TLN2: variants seen among roughly 807,000 people sequenced by gnomAD.
TLN2 encodes the protein talin 2, also known as talin-2.
TLN2 carries 118 observed loss-of-function variants against 294.7 expected under a neutral mutation model. That is an observed-to-expected ratio of 0.40 (90% CI 0.34 to 0.47). The LOEUF (loss-of-function observed/expected upper bound fraction) is 0.47, where lower values mean the gene tolerates loss of function less well. Ranked by LOEUF, TLN2 falls within the 20% of genes least tolerant of loss-of-function variation. TLN2 has a pLI of 0.84. For missense variants in TLN2, 3,083 were observed against 3,282.2 expected, an observed-to-expected ratio of 0.94 and a Z score of 1.48; for synonymous variants, 1,431 against 1,304.5, an observed-to-expected ratio of 1.10 and a Z score of -2.09.
Position 62,702,099 on chromosome 15 carries a change from G to T in TLN2, c.1804G>T (p.Asp602Tyr). 1 of 1,614,222 alleles carries T rather than the reference G, an allele frequency of 6.2e-7. No homozygotes were observed. The highest frequency in any genetic ancestry group is 8.5e-7 in the Non-Finnish European group (1 of 1,180,048). The stretch of plus-strand genomic sequence containing the variant: ...TGTGAAGCTATTGGCCGCCCTCATG[G>T]ATGATGAGGTGGGCAGCGGGGAGGA... ...KGVKLLAALM[D>Y]DEVGSGEDLL... The change falls in exon 18 of 59, where the codon GAT (aspartate) becomes TAT (tyrosine). Residue 602 changes from aspartate to tyrosine, a missense_variant. Physicochemically the swap from Asp to Tyr is radical, Grantham distance 160. Coordinates refer to ENST00000636159, the MANE Select transcript of TLN2 (RefSeq NM_015059.3).
At chr15:62,634,394 A>G (rs1256804839) in intron 3 of TLN2, among the ~76,000 whole-genome samples, 2 of 151,990 alleles carry the variant, frequency 1.3e-5, no homozygotes, top group African/African-American at 4.8e-5. Context: ...CTTAAGTTTT[A>G]TATTTATTTT....
chr15:62,475,050 C>T (rs1264019103), intron 1 of TLN2, among the ~76,000 whole-genome samples: 1 of 152,048 alleles, frequency 6.6e-6, no homozygotes, highest in Non-Finnish European at 1.5e-5. Context: ...GAAATAGAGC[C>T]AAATACCCAT....
intron 42 of TLN2, among the ~76,000 whole-genome samples, chr15:62,773,229 G>A (rs925843481): frequency 1.6e-5 from 2 of 126,218 alleles, no homozygotes; most frequent in Non-Finnish European, 3.2e-5. Flanking sequence ...GGGATTACAG[G>A]TGCAAGCCAC....
chr15:62,403,233 AG>A (rs562357396), intron 1 of TLN2, among the ~76,000 whole-genome samples: 20 of 148,028 alleles, frequency 1.4e-4, no homozygotes, highest in Non-Finnish European at 2.6e-4. Context: ...AAAAAAAGAG[AG>A]GAAAAAAAAA....
At chr15:62,737,210 T>C (rs1056580171) in intron 29 of TLN2, 124 bp downstream of exon 29, 3 of 1,003,180 alleles carry the variant, frequency 3.0e-6, no homozygotes, top group Non-Finnish European at 1.5e-6. Flanking sequence ...TTCAGAAACT[T>C]CCAAAGGTCA....
intron 22 of TLN2, among the ~76,000 whole-genome samples, chr15:62,712,668 C>T (rs1025171154): frequency 2.0e-5 from 3 of 152,182 alleles, no homozygotes; most frequent in Non-Finnish European, 4.4e-5. Flanking sequence ...TATTAAAATG[C>T]ACATGCCTCA....
rs1181591972 is a variant in TLN2, at chr15:62,737,021, A to G, written c.3502A>G (p.Ile1168Val). ...CGTGATGGAGGGCTCCGCCATGCTC[A>G]TTCAAGAGGCCAAGCAGGCCCTGAT... Reference protein sequence around the residue: ...RDVMEGSAMLIQEAKQALIAP... With the variant: ...RDVMEGSAMLVQEAKQALIAP... Residue 1168 changes from isoleucine (I) to valine (V), a missense_variant, in exon 29 of 59, where the codon ATT (isoleucine) becomes GTT (valine). By Grantham distance (29) the Ile-to-Val change is conservative. Coordinates refer to ENST00000636159, the MANE Select transcript of TLN2 (RefSeq NM_015059.3). 2 of 1,614,116 alleles carry G rather than the reference A, an allele frequency of 1.2e-6. No individual in the cohort carries two copies. Among genetic ancestry groups the G allele is most frequent in the African/African-American group, 1.3e-5 (1 of 74,948 alleles).
At chr15:62,486,444 G>A (rs2038397285) in intron 1 of TLN2, among the ~76,000 whole-genome samples, 2 of 125,774 alleles carry the variant, frequency 1.6e-5, no homozygotes, top group Admixed American at 1.7e-4. Context: ...ATCAGGAACA[G>A]TTCCTTTGTT....
chr15:62,583,633 G>T (rs1194263108), intron 1 of TLN2, among the ~76,000 whole-genome samples: 2 of 152,024 alleles, frequency 1.3e-5, no homozygotes, highest in Non-Finnish European at 2.9e-5. Context: ...AAATATAAAA[G>T]TGTATAAAGT....
At chr15:62,484,274 C>T (rs1350426462) in intron 1 of TLN2, among the ~76,000 whole-genome samples, 1 of 152,040 alleles carries the variant, frequency 6.6e-6, no homozygotes, top group Non-Finnish European at 1.5e-5. Context: ...CAAAACTGAG[C>T]AAATTTTATT....
At position 62,567,126 on chromosome 15, in the gene TLN2, A is replaced by G. The variant is rs116863845; in HGVS notation, c.-237-22561A>G. ...AGTGAGCATTTTCTCAAATTCTTGT[A>G]AACAGTATTTTACTGGCTAAGTAGT... On this transcript the variant is annotated intron_variant, in intron 1 of 58. Coordinates refer to ENST00000636159, the MANE Select transcript of TLN2 (RefSeq NM_015059.3). Among the ~76,000 whole-genome samples the G allele has an allele frequency of 1.8e-4, 27 of 152,348 alleles. No homozygotes were observed. In the East Asian group the frequency reaches 4.4e-3, roughly 25 times the overall value.
At chr15:62,773,321 C>T (rs1198545491) in intron 42 of TLN2, among the ~76,000 whole-genome samples, 4 of 151,804 alleles carry the variant, frequency 2.6e-5, no homozygotes, top group Admixed American at 6.6e-5. Context: ...TGGTAACAGC[C>T]TCTGCTTGAA....
intron 1 of TLN2, among the ~76,000 whole-genome samples, chr15:62,501,023 A>G (rs2039277170): frequency 6.6e-6 from 1 of 152,228 alleles, no homozygotes; most frequent in Non-Finnish European, 1.5e-5. Flanking sequence ...AGTGCCACTG[A>G]AAAACGCATC....
At chr15:62,593,174 T>A (rs2046219877) in intron 2 of TLN2, among the ~76,000 whole-genome samples, 1 of 152,162 alleles carries the variant, frequency 6.6e-6, no homozygotes, top group Non-Finnish European at 1.5e-5. Flanking sequence ...GTTCCATGCT[T>A]CCTTCATTAA....
intron 1 of TLN2, among the ~76,000 whole-genome samples, chr15:62,498,583 C>T (rs1034692996): frequency 5.9e-5 from 9 of 152,158 alleles, no homozygotes; most frequent in Non-Finnish European, 1.0e-4. Context: ...TAACATGCTT[C>T]TGTATCGGTG....
At chr15:62,818,410 A>T (rs895736014) in intron 52 of TLN2, among the ~76,000 whole-genome samples, 1 of 152,214 alleles carries the variant, frequency 6.6e-6, no homozygotes, top group African/African-American at 2.4e-5. Flanking sequence ...AAGGGATAGG[A>T]TGGTGTGCAC....
intron 3 of TLN2, among the ~76,000 whole-genome samples, chr15:62,643,145 A>G (rs1236647587): frequency 6.6e-6 from 1 of 152,206 alleles, no homozygotes; most frequent in Admixed American, 6.5e-5. Context: ...AATAAATCCC[A>G]TATGACTGGG....
intron 1 of TLN2, among the ~76,000 whole-genome samples, chr15:62,426,959 G>A (rs2034752061): frequency 6.6e-6 from 1 of 152,110 alleles, no homozygotes; most frequent in South Asian, 2.1e-4. Context: ...CACCCAGACG[G>A]CCCCTCTCCA....
At chr15:62,481,065 T>C (rs963504380) in intron 1 of TLN2, among the ~76,000 whole-genome samples, 4 of 152,228 alleles carry the variant, frequency 2.6e-5, no homozygotes, top group African/African-American at 9.7e-5. Flanking sequence ...TTTTTCATTT[T>C]ATTACCTTGT....
Sources: gnomAD v4.1 joint callset for allele counts (sites outside exome capture counted in the v4.1 genomes callset) on GRCh38, gnomAD v4.1.1 for gene constraint, MANE v1.5 for transcripts, NCBI Gene and HGNC (gene_info 2026-07-23, HGNC 2026-07-21) for gene names.